Variants in GPC6 observed in about 807,000 individuals in gnomAD.
GPC6 encodes glypican-6.
GPC6 carries 14 observed loss-of-function variants against 55.2 expected under a neutral mutation model. That is an observed-to-expected ratio of 0.25 (90% CI 0.17 to 0.40). The LOEUF is 0.40. GPC6 is among the 10% of genes least tolerant of loss of function. The pLI, the probability that GPC6 is intolerant of heterozygous loss-of-function variation, is 1.00. For synonymous variants in GPC6, 278 were observed against 259.6 expected, an observed-to-expected ratio of 1.07 and a Z score of -0.68; for missense variants, 641 against 708.5, an observed-to-expected ratio of 0.90 and a Z score of 1.08.
At chr13:93,428,170 AT>A (rs1368659099) in intron 1 of GPC6, among the ~76,000 whole-genome samples, 1 of 70,934 alleles carries the variant, frequency 1.4e-5, no homozygotes, top group East Asian at 4.7e-4. Flanking sequence ...CATTATTTTG[AT>A]AAAAAATGAA....
At chr13:93,978,449 A>G (rs1364093589) in intron 3 of GPC6, among the ~76,000 whole-genome samples, 3 of 152,200 alleles carry the variant, frequency 2.0e-5, no homozygotes, top group Non-Finnish European at 4.4e-5. Context: ...GTAGTTCTCA[A>G]TACAGAATTT....
intron 4 of GPC6, among the ~76,000 whole-genome samples, chr13:94,215,882 C>T (rs1414771303): frequency 3.9e-5 from 6 of 152,064 alleles, no homozygotes; most frequent in Non-Finnish European, 8.8e-5. Flanking sequence ...CATTTAACTT[C>T]GTTAATAGTA....
At chr13:94,297,235 C>T (rs190656110) in intron 5 of GPC6, among the ~76,000 whole-genome samples, 4 of 152,218 alleles carry the variant, frequency 2.6e-5, no homozygotes, top group South Asian at 4.1e-4. Flanking sequence ...GGAGCAGGGA[C>T]GTGTCCAATT....
At chr13:93,358,737 T>C (rs1880940223) in intron 1 of GPC6, among the ~76,000 whole-genome samples, 1 of 152,194 alleles carries the variant, frequency 6.6e-6, no homozygotes, top group African/African-American at 2.4e-5. Flanking sequence ...TTTGTTTTCA[T>C]TCATATCTTT....
At chr13:93,590,725 T>C (rs1015396158) in intron 2 of GPC6, among the ~76,000 whole-genome samples, 1 of 152,190 alleles carries the variant, frequency 6.6e-6, no homozygotes, top group Non-Finnish European at 1.5e-5. Flanking sequence ...TCATAAAAGT[T>C]ACCAGGAAGC....
chr13:93,965,397 C>A (rs1482773335), intron 3 of GPC6, among the ~76,000 whole-genome samples: 1 of 151,928 alleles, frequency 6.6e-6, no homozygotes, highest in African/African-American at 2.4e-5. Context: ...GGTGACAGAG[C>A]AAGACTCCAT....
chr13:93,530,343 AC>A (rs759052441), intron 1 of GPC6, among the ~76,000 whole-genome samples: 22 of 152,082 alleles, frequency 1.4e-4, no homozygotes, highest in Non-Finnish European at 3.1e-4. Flanking sequence ...TAAAATAACT[AC>A]CCTATTCTGC....
chr13:94,076,398 A>C (rs1884916151), intron 4 of GPC6, among the ~76,000 whole-genome samples: 1 of 151,830 alleles, frequency 6.6e-6, no homozygotes, highest in Non-Finnish European at 1.5e-5. Context: ...ATATCATATA[A>C]AAGGTTTGCA....
chr13:93,987,874 T>C (rs966157038), intron 3 of GPC6, among the ~76,000 whole-genome samples: 2 of 152,182 alleles, frequency 1.3e-5, no homozygotes, highest in African/African-American at 4.8e-5. Flanking sequence ...CAGGGTAGAA[T>C]GTTTAATAAT....
chr13:94,136,198 T>C (rs1593972279), intron 4 of GPC6, among the ~76,000 whole-genome samples: 1 of 151,972 alleles, frequency 6.6e-6, no homozygotes, highest in East Asian at 1.9e-4. Context: ...TTTTTTTTTT[T>C]TTTTTCTTCA....
intron 4 of GPC6, among the ~76,000 whole-genome samples, chr13:94,147,201 A>T (rs519840): frequency 0.9 from 136,969 of 152,182 alleles, 61,738 homozygotes; most frequent in East Asian, 0.99. Flanking sequence ...TAGCCTCTTA[A>T]GTCCTTCATT....
At chr13:93,716,652 T>A (rs543043871) in intron 2 of GPC6, among the ~76,000 whole-genome samples, 2 of 151,648 alleles carry the variant, frequency 1.3e-5, no homozygotes, top group Non-Finnish European at 3.0e-5. Flanking sequence ...AATAAAAACA[T>A]TACAATAAAC....
At chr13:93,705,072 A>G (rs532106278) in intron 2 of GPC6, among the ~76,000 whole-genome samples, 33 of 152,080 alleles carry the variant, frequency 2.2e-4, no homozygotes, top group Middle Eastern at 3.4e-3. Flanking sequence ...TTGGGGATTC[A>G]TGGCAACAGA....
At chr13:94,013,668 A>G (rs938618585) in intron 3 of GPC6, among the ~76,000 whole-genome samples, 2 of 152,186 alleles carry the variant, frequency 1.3e-5, no homozygotes, top group Non-Finnish European at 2.9e-5. Context: ...TAAGGAATGA[A>G]ATTAAATATA....
intron 3 of GPC6, among the ~76,000 whole-genome samples, chr13:93,948,652 G>C (rs915640240): frequency 1.3e-5 from 2 of 152,150 alleles, no homozygotes; most frequent in African/African-American, 4.8e-5. Flanking sequence ...CTTTCCAAAT[G>C]CAAACACTCT....
chr13:93,238,109 T>C (rs767871177), intron 1 of GPC6, among the ~76,000 whole-genome samples: 1 of 151,616 alleles, frequency 6.6e-6, no homozygotes, highest in Non-Finnish European at 1.5e-5. Flanking sequence ...AAAAACGATA[T>C]TGGTATATTG....
chr13:93,913,112 G>C (rs1877094328), intron 3 of GPC6, among the ~76,000 whole-genome samples: 1 of 152,190 alleles, frequency 6.6e-6, no homozygotes, highest in African/African-American at 2.4e-5. Context: ...GTTCACAGAT[G>C]TCAGGGGTTA....
chr13:94,297,525 C>G (rs530511903), intron 5 of GPC6, among the ~76,000 whole-genome samples: 17 of 152,266 alleles, frequency 1.1e-4, no homozygotes, highest in Non-Finnish European at 2.4e-4. Flanking sequence ...GAGGAAATAT[C>G]AAGGTGTTTT....
intron 1 of GPC6, among the ~76,000 whole-genome samples, chr13:93,545,024 A>T (rs757221756): frequency 1.3e-5 from 2 of 152,196 alleles, no homozygotes; most frequent in Non-Finnish European, 2.9e-5. Context: ...TGAAGTTTTA[A>T]TGCACCTTCA....
Sources: gnomAD v4.1 joint callset for allele counts (sites outside exome capture counted in the v4.1 genomes callset) on GRCh38, gnomAD v4.1.1 for gene constraint, MANE v1.5 for transcripts, NCBI Gene and HGNC (gene_info 2026-07-23, HGNC 2026-07-21) for gene names.